Variants in EPB41L1 observed in about 807,000 individuals in gnomAD.
The protein encoded by EPB41L1 is erythrocyte membrane protein band 4.1 like 1.
Under a neutral mutation model 97.8 loss-of-function variants are expected in EPB41L1, and 29 were observed. That is an observed-to-expected ratio of 0.30 (90% CI 0.22 to 0.40). EPB41L1 has a LOEUF of 0.40. Among genes scored for constraint, EPB41L1 ranks in the 10% least tolerant of loss-of-function variants. EPB41L1 has a pLI of 1.00. For missense variants in EPB41L1, 812 were observed against 1,162.3 expected, an observed-to-expected ratio of 0.70 and a Z score of 4.38; for synonymous variants, 383 against 459.2, an observed-to-expected ratio of 0.83 and a Z score of 2.12.
In EPB41L1 at chr20:36,192,121, G is replaced by A. The variant is rs563811196; in HGVS notation, c.1300+1324G>A. On this transcript the variant is annotated intron_variant, in intron 11 of 21. Transcript: ENST00000338074. ...TGCACCTGTAATCTCAGCTACTCGG[G>A]AGGCTGAAACAGGAGAATTGCTTGG... 2.0e-5 allele frequency among the ~76,000 whole-genome samples: 3 copies of A among 152,180 alleles called. No homozygotes were observed. In the South Asian group the frequency reaches 6.2e-4, roughly 32 times the overall value.
chr20:36,203,616 A>C (rs1048487776), intron 14 of EPB41L1, among the ~76,000 whole-genome samples: 34 of 152,284 alleles, frequency 2.2e-4, no homozygotes, highest in African/African-American at 7.7e-4. Context: ...AGCTGAAGGA[A>C]CCTGCTTCTC....
intron 21 of EPB41L1, among the ~76,000 whole-genome samples, chr20:36,222,855 CAT>C (rs2063867041): frequency 6.6e-6 from 1 of 152,122 alleles, no homozygotes. Flanking sequence ...GTTAAGGGGC[CAT>C]GATGACCAGA....
chr20:36,126,583 C>A (rs990461097), intron 2 of EPB41L1, among the ~76,000 whole-genome samples: 4 of 152,158 alleles, frequency 2.6e-5, no homozygotes, highest in African/African-American at 9.7e-5. Flanking sequence ...TCAGGCTGGT[C>A]TCAAACTCCC....
upstream of EPB41L1, among the ~76,000 whole-genome samples, chr20:36,154,160 C>T (rs1200990682): frequency 6.6e-6 from 1 of 152,170 alleles, no homozygotes; most frequent in Non-Finnish European, 1.5e-5. The surrounding 1 kb of genome is among the most constrained non-coding windows in gnomAD (Gnocchi z 5.5). Flanking sequence ...TGTAATACCT[C>T]CTCCCGGTGG....
rs190256324 is a variant in EPB41L1 at position 36,199,867 on chromosome 20, G to C, written c.1668+1826G>C. ...GGGGAGGATGAGCCCTGGGAAGTGA[G>C]GTCTAGACCTCTGGAGTGTCTCAGT... On this transcript the variant is annotated intron_variant, in intron 14 of 21. Transcript: ENST00000338074. Among the ~76,000 whole-genome samples the C allele has an allele frequency of 1.5e-3, 234 of 152,312 alleles. 5 individuals carry two copies. Among genetic ancestry groups the C allele is most frequent in the African/African-American group, 5.3e-3 (221 of 41,566 alleles).
chr20:36,140,502 G>A (rs528757667), intron 2 of EPB41L1, among the ~76,000 whole-genome samples: 1 of 152,256 alleles, frequency 6.6e-6, no homozygotes, highest in South Asian at 2.1e-4. Context: ...GTAAAGTGGG[G>A]ATATGACTTC....
Position 36,190,773 on chromosome 20 carries a change from A to G in EPB41L1, c.1276A>G (p.Thr426Ala). Residue 426 changes from threonine to alanine, a missense_variant, in exon 11 of 22, where the codon ACC becomes GCC. This residue lies in a region of EPB41L1 where 498 missense variants were observed against 622.7 expected (regional missense o/e 0.80). Transcript: ENST00000338074. This position sits in a 1 kb window ranked among gnomAD's most constrained non-coding sequence, Gnocchi z 5.8. ...TGAGCGTTCTTCCAGCAAACGGTACACCATGTCCCGCAGCCTTGATGGAGG... is the reference window on the plus strand; with the variant it reads ...TGAGCGTTCTTCCAGCAAACGGTACGCCATGTCCCGCAGCCTTGATGGAGG... ...FFERSSSKRYTMSRSLDGAEF... is the reference protein window; with the variant it reads ...FFERSSSKRYAMSRSLDGAEF... 1 of 1,614,076 alleles carries G rather than the reference A, an allele frequency of 6.2e-7. No homozygotes were observed. Among genetic ancestry groups the G allele is most frequent in the Non-Finnish European group, 8.5e-7 (1 of 1,180,028 alleles).
chr20:36,162,908 A>C (rs1472213956), intron 1 of EPB41L1, among the ~76,000 whole-genome samples: 1 of 152,018 alleles, frequency 6.6e-6, no homozygotes, highest in African/African-American at 2.4e-5. Context: ...ATGACTGCAG[A>C]CTCAGCTCCC....
chr20:36,166,362 G>T (rs2060738484), intron 1 of EPB41L1, among the ~76,000 whole-genome samples: 1 of 152,208 alleles, frequency 6.6e-6, no homozygotes, highest in Admixed American at 6.5e-5. Context: ...ATAGGTTATT[G>T]TGAAGATGAA....
rs1429181016 is a variant in EPB41L1, at chr20:36,229,808, T to C, written c.*468T>C. On this transcript the variant is annotated 3_prime_UTR_variant, in exon 22 of 22. Transcript: ENST00000338074. ...CAATTCCATTTGTTCTTCTCCAGCA[T>C]CTCTAAGGCCCACTTGAATGCAAAG... is the stretch of plus-strand genomic sequence containing the variant. 6.5e-6 allele frequency: 1 copy of C among 153,702 alleles called. No individual in the cohort carries two copies. Among genetic ancestry groups the C allele is most frequent in the East Asian group, 1.9e-4 (1 of 5,244 alleles). The allele number at this position is 153,702 out of a possible 1,614,324, so 9.5% of individuals were successfully genotyped here.
intron 1 of EPB41L1, among the ~76,000 whole-genome samples, chr20:36,163,118 G>A (rs1402346263): frequency 6.7e-6 from 1 of 148,698 alleles, no homozygotes; most frequent in East Asian, 2.0e-4. Context: ...GCCCTAATAG[G>A]CACTCTTTCT....
intron 2 of EPB41L1, among the ~76,000 whole-genome samples, chr20:36,129,799 T>G (rs1056434761): frequency 6.6e-6 from 1 of 152,208 alleles, no homozygotes; most frequent in Non-Finnish European, 1.5e-5. Context: ...GAGCTCATTA[T>G]GTTGGCCAGG....
chr20:36,189,454 T>G (rs2061847558), intron 9 of EPB41L1, among the ~76,000 whole-genome samples: 1 of 152,222 alleles, frequency 6.6e-6, no homozygotes, highest in African/African-American at 2.4e-5. Context: ...CAAGGTGCTT[T>G]AGCCTCTTCG....
rs373620188 is a variant in EPB41L1 at position 36,178,023 on chromosome 20, C to T, written c.414C>T (p.Phe138=). 2.8e-5 allele frequency: 45 copies of T among 1,614,136 alleles called. No individual in the cohort carries two copies. In the East Asian group the frequency reaches 4.9e-4, roughly 18 times the overall value. The change falls in exon 4 of 22, where the codon TTC becomes TTT. Residue 138 remains phenylalanine (F), a synonymous_variant. Coordinates refer to ENST00000338074, the MANE Select transcript of EPB41L1 (RefSeq NM_012156.2). ...TCAACCTCCTAGAGAAGGACTACTT[C>T]GGCCTGACCTTCTGTGATGCTGACA... ...EHLNLLEKDY[F]GLTFCDADSQ...
intron 2 of EPB41L1, among the ~76,000 whole-genome samples, chr20:36,147,071 C>T (rs946722184): frequency 2.0e-5 from 3 of 152,032 alleles, no homozygotes; most frequent in East Asian, 3.9e-4. Flanking sequence ...TACCTCAGCC[C>T]GGGGAAGTTG....
chr20:36,165,678 G>A (rs1472992807), intron 1 of EPB41L1, among the ~76,000 whole-genome samples: 1 of 152,148 alleles, frequency 6.6e-6, no homozygotes, highest in Non-Finnish European at 1.5e-5. Context: ...CAGCCTGGGC[G>A]ACAGAGCGAG....
intron 4 of EPB41L1, 149 bp downstream of exon 4, chr20:36,178,205 G>T: frequency 1.4e-6 from 1 of 706,522 alleles, no homozygotes; most frequent in Non-Finnish European, 2.6e-6. Flanking sequence ...TCCACCTGCG[G>T]TTCCCTGTCT....
intron 2 of EPB41L1, among the ~76,000 whole-genome samples, chr20:36,138,767 T>C (rs2147809980): frequency 6.6e-6 from 1 of 152,332 alleles, no homozygotes; most frequent in Non-Finnish European, 1.5e-5. Context: ...CTTTGGAACA[T>C]GCACTGGAGC....
At chr20:36,169,631 C>T (rs1261867911) in intron 1 of EPB41L1, among the ~76,000 whole-genome samples, 2 of 152,204 alleles carry the variant, frequency 1.3e-5, no homozygotes, top group Non-Finnish European at 2.9e-5. Context: ...CTATCCCCTG[C>T]CCAACCCCCT....
Sources: allele counts gnomAD v4.1 joint callset (sites outside exome capture counted in the v4.1 genomes callset), GRCh38; gene constraint gnomAD v4.1.1; regional missense constraint gnomAD v4.1.1; non-coding constraint Gnocchi (gnomAD v3.1); transcripts MANE v1.5; gene names NCBI Gene and HGNC (gene_info 2026-07-23, HGNC 2026-07-21).